ALX4: variants seen among roughly 807,000 people sequenced by gnomAD.
ALX4 encodes ALX homeobox 4.
Under a neutral mutation model 40.6 loss-of-function variants are expected in ALX4, and 22 were observed. The observed-to-expected ratio is 0.54, with a 90% CI of 0.39 to 0.77. The LOEUF is 0.77. Ranked by LOEUF, ALX4 falls within the 30% of genes least tolerant of loss-of-function variation. ALX4 has a pLI of 0.00. For missense variants in ALX4, 556 were observed against 564.8 expected, an observed-to-expected ratio of 0.98 and a Z score of 0.16; for synonymous variants, 266 against 240.5, an observed-to-expected ratio of 1.11 and a Z score of -0.98.
At position 44,265,868 on chromosome 11, in the gene ALX4, T is replaced by A. The variant is rs1956210925; in HGVS notation, c.907-685A>T. Among the ~76,000 whole-genome samples, 3 of 152,190 alleles carry A rather than the reference T, an allele frequency of 2.0e-5. No homozygotes were observed. The South Asian group carries it at 6.2e-4, about 32-fold the overall frequency. ...GTGCAGGGATGAGTTGGCCATCTTA[T>A]CTTCCATCTGTGCCACTGGGCTTCC... On this transcript the variant is annotated intron_variant, in intron 3 of 3. Transcript: ENST00000652299.
chr11:44,299,830 C>T (rs904149144), intron 1 of ALX4, among the ~76,000 whole-genome samples: 3 of 152,150 alleles, frequency 2.0e-5, no homozygotes, highest in Admixed American at 2.0e-4. Flanking sequence ...TCACTGTGGA[C>T]GAGTTACTTA....
intron 1 of ALX4, among the ~76,000 whole-genome samples, chr11:44,296,186 G>A (rs972126427): frequency 6.6e-6 from 1 of 152,162 alleles, no homozygotes. Flanking sequence ...TTTCAACAAA[G>A]GTCCCAAGAC....
intron 2 of ALX4, among the ~76,000 whole-genome samples, chr11:44,272,838 A>G (rs1956256662): frequency 6.6e-6 from 1 of 152,098 alleles, no homozygotes; most frequent in Admixed American, 6.6e-5. Flanking sequence ...AAAAAATGGC[A>G]GGCTGCCCTC....
chr11:44,293,152 GAAGGAAGGAAGGAAGGAAGC>G lies in ALX4; in HGVS notation c.466+16425_466+16444del, dbSNP rs200056551. 6.9e-3 allele frequency among the ~76,000 whole-genome samples: 505 copies of G among 73,414 alleles called. 38 individuals carry two copies. The highest frequency in any genetic ancestry group is 0.019 in the African/African-American group (337 of 18,066). The allele number at this position is 73,414 out of a possible 152,430, so 48.2% of individuals were successfully genotyped here. A position where few individuals can be genotyped will look rare whatever the true frequency, so the allele number is the denominator to read the frequency against. The stretch of plus-strand genomic sequence containing the variant: ...GGAAGGAAGGAAGGAAGGAAGGAAG[GAAGGAAGGAAGGAAGGAAGC>G]AGGCAGGCAGGGAGGGAGGGAGGGA... On this transcript the variant is annotated intron_variant, in intron 1 of 3. Transcript: ENST00000652299.
chr11:44,285,195 C>CCTCA (rs1272259501), intron 1 of ALX4, among the ~76,000 whole-genome samples: 1 of 152,196 alleles, frequency 6.6e-6, no homozygotes, highest in Non-Finnish European at 1.5e-5. Context: ...GAACTCCTGA[C>CCTCA]CTCAGATGAT....
At chr11:44,299,899 T>C (rs920998540) in intron 1 of ALX4, among the ~76,000 whole-genome samples, 2 of 152,094 alleles carry the variant, frequency 1.3e-5, no homozygotes. Context: ...ACCAATCTCA[T>C]AGGATTGTGA....
intron 1 of ALX4, among the ~76,000 whole-genome samples, chr11:44,294,678 C>T (rs921156200): frequency 1.3e-5 from 2 of 152,132 alleles, no homozygotes; most frequent in Admixed American, 6.5e-5. Flanking sequence ...CTTCATTTTC[C>T]AACTCTATGC....
intron 1 of ALX4, among the ~76,000 whole-genome samples, chr11:44,302,148 C>T (rs1461511446): frequency 1.3e-5 from 2 of 152,326 alleles, no homozygotes; most frequent in Middle Eastern, 3.4e-3. Context: ...ATGCCACCCA[C>T]AGACCCAGAG....
At chr11:44,284,121 GAGGA>G (rs1325996430) in intron 1 of ALX4, among the ~76,000 whole-genome samples, 1 of 152,074 alleles carries the variant, frequency 6.6e-6, no homozygotes, top group Non-Finnish European at 1.5e-5. Flanking sequence ...TGATCAAAAA[GAGGA>G]AGGGAGTGGA....
At chr11:44,285,657 A>G (rs1231641027) in intron 1 of ALX4, among the ~76,000 whole-genome samples, 2 of 151,610 alleles carry the variant, frequency 1.3e-5, no homozygotes, top group African/African-American at 4.8e-5. Flanking sequence ...TGCCAGCACG[A>G]TGGATGAAAG....
chr11:44,274,773 G>C (rs1474087510), intron 2 of ALX4, among the ~76,000 whole-genome samples: 2 of 152,190 alleles, frequency 1.3e-5, no homozygotes, highest in African/African-American at 2.4e-5. Flanking sequence ...TACTGGGTTG[G>C]GTGTTTTGGT....
intron 2 of ALX4, among the ~76,000 whole-genome samples, chr11:44,270,173 G>A (rs1448393657): frequency 1.3e-5 from 2 of 152,146 alleles, no homozygotes; most frequent in South Asian, 2.1e-4. Context: ...GTGGAATGTG[G>A]GGCGCGGGCT....
chr11:44,299,600 TC>T (rs1048331165), intron 1 of ALX4, among the ~76,000 whole-genome samples: 3 of 152,088 alleles, frequency 2.0e-5, no homozygotes, highest in African/African-American at 7.2e-5. Flanking sequence ...GACTTTGTGA[TC>T]CGCCCGCCTA....
chr11:44,300,507 C>T (rs1335621200), intron 1 of ALX4, among the ~76,000 whole-genome samples: 1 of 152,136 alleles, frequency 6.6e-6, no homozygotes, highest in African/African-American at 2.4e-5. Flanking sequence ...TCTACATACA[C>T]ACTCTAAAAC....
rs778436624 is a variant in ALX4, at chr11:44,284,319, C to T, written c.467-8661G>A. ...TGATTAGAATCCTGGATGGTGCATG[C>T]TCTGAGAGCGGGCTGGGCTCTGTGC... On this transcript the variant is annotated intron_variant, in intron 1 of 3. Coordinates refer to ENST00000652299, the MANE Select transcript of ALX4 (RefSeq NM_021926.4). 5.9e-4 allele frequency among the ~76,000 whole-genome samples: 90 copies of T among 152,124 alleles called. 1 individual carries two copies. Among genetic ancestry groups the T allele is most frequent in the Admixed American group, 3.8e-3 (58 of 15,264 alleles).
rs192637689 is a variant in ALX4 at position 44,277,893 on chromosome 11, C to T, written c.467-2235G>A. Among the ~76,000 whole-genome samples the T allele has an allele frequency of 3.9e-3, 594 of 152,332 alleles. 9 individuals are homozygous for T. Among genetic ancestry groups the T allele is most frequent in the Non-Finnish European group, 6.5e-3 (441 of 68,032 alleles). On this transcript the variant is annotated intron_variant, in intron 1 of 3. Transcript: ENST00000652299. Reference sequence around the variant, plus strand: ...CATGACACCTGTGTGAGCCCAGGCACATGCAGACAGCCATGGCTTCAGTGA... The same window carrying T: ...CATGACACCTGTGTGAGCCCAGGCATATGCAGACAGCCATGGCTTCAGTGA...
chr11:44,267,539 A>G lies in ALX4; in HGVS notation c.861T>C (p.Thr287=). ...GGGTGAGGAGGGGCAGCTCATATGC[A>G]GTGGAGAAGTGGGTTCGAACCTGCT... ...QMQQVRTHFS[T]AYELPLLTRA... The change falls in exon 3 of 4, where the codon ACT becomes ACC. Residue 287 remains threonine, a synonymous_variant. Coordinates refer to ENST00000652299, the MANE Select transcript of ALX4 (RefSeq NM_021926.4). 6.2e-7 allele frequency: 1 copy of G among 1,614,122 alleles called. No homozygotes were observed. Among genetic ancestry groups the G allele is most frequent in the South Asian group, 1.1e-5 (1 of 91,080 alleles).
At chr11:44,283,713 G>A (rs1956322688) in intron 1 of ALX4, among the ~76,000 whole-genome samples, 1 of 152,034 alleles carries the variant, frequency 6.6e-6, no homozygotes, top group African/African-American at 2.4e-5. Flanking sequence ...ACAGGCATGG[G>A]CCACCACACC....
chr11:44,305,787 G>T (rs945329079), intron 1 of ALX4, among the ~76,000 whole-genome samples: 12 of 152,268 alleles, frequency 7.9e-5, no homozygotes, highest in Admixed American at 3.9e-4. Flanking sequence ...GCTTTTGCGG[G>T]TGGGTGGACG....
Sources: gnomAD v4.1 joint callset for allele counts (sites outside exome capture counted in the v4.1 genomes callset) on GRCh38, gnomAD v4.1.1 for gene constraint, MANE v1.5 for transcripts, NCBI Gene and HGNC (gene_info 2026-07-23, HGNC 2026-07-21) for gene names.